CDH4: variants seen among roughly 807,000 people sequenced by gnomAD.
CDH4 encodes the protein cadherin-4.
CDH4 carries 33 observed loss-of-function variants against 86.0 expected under a neutral mutation model. That is an observed-to-expected ratio of 0.38 (90% CI 0.29 to 0.51). The LOEUF (loss-of-function observed/expected upper bound fraction) is 0.51, where lower values mean the gene tolerates loss of function less well. Ranked by LOEUF, CDH4 falls within the 20% of genes least tolerant of loss-of-function variation. The pLI is 0.86. For synonymous variants in CDH4, 555 were observed against 549.4 expected (o/e 1.01, Z -0.14); for missense variants, 1,114 against 1,307.4 (o/e 0.85, Z 2.28).
In CDH4 at chr20:61,909,764, A is replaced by T. The variant is rs1042618076; in HGVS notation, c.1189-658A>T. ...ATCCAGAAAAATCTCCCCAGCTCAG[A>T]ATTCTTACCTCCAGCACCTTTTCTT... On this transcript the variant is annotated intron_variant, in intron 8 of 15. Transcript: ENST00000614565. 2.0e-5 allele frequency among the ~76,000 whole-genome samples: 3 copies of T among 152,326 alleles called. No homozygotes were observed. The East Asian group carries it at 5.8e-4, about 29-fold the overall frequency.
At chr20:61,742,042 T>A (rs1384785125) in intron 2 of CDH4, among the ~76,000 whole-genome samples, 1 of 152,188 alleles carries the variant, frequency 6.6e-6, no homozygotes, top group African/African-American at 2.4e-5. Flanking sequence ...CAGAAATGAT[T>A]GATCCACTAA....
chr20:61,907,169 C>T (rs943692613), intron 8 of CDH4, among the ~76,000 whole-genome samples: 1 of 152,186 alleles, frequency 6.6e-6, no homozygotes, highest in Admixed American at 6.5e-5. Context: ...CTCCACCTCA[C>T]AGCTCTGTCC....
intron 2 of CDH4, among the ~76,000 whole-genome samples, chr20:61,541,857 T>A (rs542290557): frequency 6.6e-6 from 1 of 152,254 alleles, no homozygotes; most frequent in South Asian, 2.1e-4. Context: ...GTGTGACCCT[T>A]GCTACTTTCT....
chr20:61,921,140 G>A (rs191425050), intron 9 of CDH4, among the ~76,000 whole-genome samples: 100 of 151,546 alleles, frequency 6.6e-4, no homozygotes, highest in African/African-American at 2.0e-3. Flanking sequence ...GTGTGGAAGC[G>A]TGGTGTCATG....
chr20:61,720,047 C>G (rs971537183), intron 2 of CDH4, among the ~76,000 whole-genome samples: 1 of 152,092 alleles, frequency 6.6e-6, no homozygotes, highest in Non-Finnish European at 1.5e-5. Context: ...GTCTCAGTAA[C>G]GGAGAAGGAG....
chr20:61,466,761 G>A (rs956904115), intron 2 of CDH4, among the ~76,000 whole-genome samples: 7 of 152,142 alleles, frequency 4.6e-5, no homozygotes, highest in African/African-American at 1.7e-4. Flanking sequence ...TGAGGCGGGA[G>A]GATCACTTGA....
intron 6 of CDH4, among the ~76,000 whole-genome samples, chr20:61,857,127 G>GC (rs1983053955): frequency 6.6e-6 from 1 of 152,232 alleles, no homozygotes; most frequent in African/African-American, 2.4e-5. Context: ...CCCTGCCCCT[G>GC]CCCCCATACC....
intron 2 of CDH4, among the ~76,000 whole-genome samples, chr20:61,293,284 A>T (rs1308415434): frequency 6.6e-6 from 1 of 152,110 alleles, no homozygotes; most frequent in Non-Finnish European, 1.5e-5. Flanking sequence ...GGTGGATGAG[A>T]GTGGTCTCAC....
chr20:61,672,913 C>G (rs1385516343), intron 2 of CDH4, among the ~76,000 whole-genome samples: 1 of 151,970 alleles, frequency 6.6e-6, no homozygotes, highest in African/African-American at 2.4e-5. Flanking sequence ...GGAGGTCATC[C>G]TGAGTTATCC....
At chr20:61,615,915 T>C (rs1486257619) in intron 2 of CDH4, among the ~76,000 whole-genome samples, 1 of 152,128 alleles carries the variant, frequency 6.6e-6, no homozygotes, top group African/African-American at 2.4e-5. Context: ...GCCTCGCTGC[T>C]GGCTGGATTT....
intron 7 of CDH4, among the ~76,000 whole-genome samples, chr20:61,891,476 C>A (rs1010804012): frequency 1.3e-5 from 2 of 152,246 alleles, no homozygotes; most frequent in African/African-American, 2.4e-5. Flanking sequence ...GTCCTCCCCC[C>A]TTCTCCAGGT....
At chr20:61,678,005 G>C (rs1308647727) in intron 2 of CDH4, among the ~76,000 whole-genome samples, 2 of 152,086 alleles carry the variant, frequency 1.3e-5, no homozygotes, top group Admixed American at 6.5e-5. Flanking sequence ...ATGGATGACA[G>C]AAGATAGATA....
chr20:61,268,108 C>G lies in CDH4; in HGVS notation c.169+13171C>G, dbSNP rs78147308. Reference sequence around the variant, plus strand: ...CCGACATGTGTGGCTGTGGGACACACAGCCTGCCCTCCCATCTCTCTTTCT... The same window carrying G: ...CCGACATGTGTGGCTGTGGGACACAGAGCCTGCCCTCCCATCTCTCTTTCT... On this transcript the variant is annotated intron_variant, in intron 2 of 15. Coordinates refer to ENST00000614565, the MANE Select transcript of CDH4 (RefSeq NM_001794.5). Among the ~76,000 whole-genome samples the G allele has an allele frequency of 9.4e-3, 1,433 of 152,210 alleles. 16 individuals are homozygous for G. Among genetic ancestry groups the G allele is most frequent in the African/African-American group, 0.032 (1,345 of 41,580 alleles).
Position 61,684,551 on chromosome 20 carries a change from G to T in CDH4, c.170-59012G>T, listed in dbSNP as rs1313742409. ...CACACAAGGTCCAGCCCCCTGTGTTGTTCTGCAGCTGGGAATCCTGGGCTC... is the reference window on the plus strand; with the variant it reads ...CACACAAGGTCCAGCCCCCTGTGTTTTTCTGCAGCTGGGAATCCTGGGCTC... On this transcript the variant is annotated intron_variant, in intron 2 of 15. Transcript: ENST00000614565. The surrounding 1 kb of genome is among the most constrained non-coding windows in gnomAD (Gnocchi z 4.5). Among the ~76,000 whole-genome samples, 4 of 152,220 alleles carry T rather than the reference G, an allele frequency of 2.6e-5. No homozygotes were observed. Among genetic ancestry groups the T allele is most frequent in the Non-Finnish European group, 4.4e-5 (3 of 68,032 alleles).
intron 3 of CDH4, among the ~76,000 whole-genome samples, chr20:61,770,013 A>G (rs1185674126): frequency 6.6e-6 from 1 of 152,194 alleles, no homozygotes; most frequent in East Asian, 1.9e-4. Context: ...TCGGACATTC[A>G]GTACCTATGA....
At chr20:61,922,769 G>A (rs2054995766) in intron 9 of CDH4, among the ~76,000 whole-genome samples, 1 of 152,124 alleles carries the variant, frequency 6.6e-6, no homozygotes, top group Non-Finnish European at 1.5e-5. Context: ...TCTCTGTTTT[G>A]AAATTTTGGA....
At chr20:61,726,832 A>G (rs118114279) in intron 2 of CDH4, among the ~76,000 whole-genome samples, 8 of 14,866 alleles carry the variant, frequency 5.4e-4, no homozygotes, top group South Asian at 7.1e-3. Context: ...CATCACCATC[A>G]CTGCCATCAT....
In CDH4 at chr20:61,807,681, A is replaced by G. The variant is rs1389096777; in HGVS notation, c.576+34499A>G. On this transcript the variant is annotated intron_variant, in intron 4 of 15. Transcript: ENST00000614565. This position sits in a 1 kb window ranked among gnomAD's most constrained non-coding sequence, Gnocchi z 4.5. ...AGAAGATTGTGAGAACAGCTGGGGAACTGTGGACGGCTCTTCAGACTCAAA... is the reference window on the plus strand; with the variant it reads ...AGAAGATTGTGAGAACAGCTGGGGAGCTGTGGACGGCTCTTCAGACTCAAA... 6.6e-6 allele frequency among the ~76,000 whole-genome samples: 1 copy of G among 152,160 alleles called. No homozygotes were observed. Among genetic ancestry groups the G allele is most frequent in the African/African-American group, 2.4e-5 (1 of 41,438 alleles).
intron 2 of CDH4, among the ~76,000 whole-genome samples, chr20:61,427,666 A>G (rs547811212): frequency 6.6e-6 from 1 of 151,314 alleles, no homozygotes; most frequent in South Asian, 2.1e-4. Context: ...TGCAGCCTAT[A>G]CTCTGTCTTC....
Sources: allele counts gnomAD v4.1 joint callset (sites outside exome capture counted in the v4.1 genomes callset), GRCh38; gene constraint gnomAD v4.1.1; non-coding constraint Gnocchi (gnomAD v3.1); transcripts MANE v1.5; gene names NCBI Gene and HGNC (gene_info 2026-07-23, HGNC 2026-07-21).